The following NEGR1 variants were observed in gnomAD, a reference collection of about 807,000 sequenced individuals.
NEGR1 encodes the protein IgLON family member 4.
Under a neutral mutation model 40.9 loss-of-function variants are expected in NEGR1, and 10 were observed. That is an observed-to-expected ratio of 0.24 (90% CI 0.15 to 0.42). The LOEUF (loss-of-function observed/expected upper bound fraction) is 0.42. NEGR1 is among the 10% of genes least tolerant of loss of function. NEGR1 has a pLI of 1.00. For missense variants in NEGR1, 352 were observed against 438.9 expected (o/e 0.80, Z 1.77); for synonymous variants, 185 against 166.8 (o/e 1.11, Z -0.84).
intron 3 of NEGR1, among the ~76,000 whole-genome samples, chr1:71,770,286 C>T (rs1431620597): frequency 6.6e-6 from 1 of 152,168 alleles, no homozygotes; most frequent in Non-Finnish European, 1.5e-5. Flanking sequence ...TTCTGGTGCT[C>T]TTTGCATACA....
chr1:71,868,432 A>G (rs886612771), intron 2 of NEGR1, among the ~76,000 whole-genome samples: 3 of 124,788 alleles, frequency 2.4e-5, no homozygotes, highest in African/African-American at 9.9e-5. Context: ...TAGATAGATG[A>G]TAGAAGATAG....
chr1:72,018,747 C>G (rs1646732633), intron 1 of NEGR1, among the ~76,000 whole-genome samples: 1 of 152,268 alleles, frequency 6.6e-6, no homozygotes, highest in African/African-American at 2.4e-5. Context: ...GCCAGTATGG[C>G]TGCAGTGAGC....
chr1:72,210,356 G>T lies in NEGR1; in HGVS notation c.176+71963C>A, dbSNP rs181857902. ...ACATATTTTTAATATTCTAGGTGTT[G>T]AAATAAAACAAACACATAAAACACT... is the stretch of plus-strand genomic sequence containing the variant. On this transcript the variant is annotated intron_variant, in intron 1 of 6. Coordinates refer to ENST00000357731, the MANE Select transcript of NEGR1 (RefSeq NM_173808.3). 6.6e-4 allele frequency among the ~76,000 whole-genome samples: 100 copies of T among 151,914 alleles called. No individual in the cohort carries two copies. The Middle Eastern group carries it at 0.01, about 16-fold the overall frequency.
intron 1 of NEGR1, among the ~76,000 whole-genome samples, chr1:71,973,694 G>C (rs1396036975): frequency 6.6e-6 from 1 of 152,046 alleles, no homozygotes; most frequent in Non-Finnish European, 1.5e-5. Flanking sequence ...ATAAAAACCA[G>C]ATACTAAATT....
At chr1:71,638,410 T>C (rs571660727) in intron 4 of NEGR1, among the ~76,000 whole-genome samples, 1 of 152,026 alleles carries the variant, frequency 6.6e-6, no homozygotes, top group Admixed American at 6.6e-5. Context: ...TTCTTCCTTG[T>C]AGAGTTGTAA....
chr1:71,996,291 T>C (rs1451486486), intron 1 of NEGR1, among the ~76,000 whole-genome samples: 1 of 152,152 alleles, frequency 6.6e-6, no homozygotes, highest in Non-Finnish European at 1.5e-5. Context: ...TGCAGCCAAG[T>C]ATAGCTATAA....
Position 71,594,299 on chromosome 1 carries a change from C to T in NEGR1, c.789-1331G>A, listed in dbSNP as rs571303872. Among the ~76,000 whole-genome samples, 25 of 152,242 alleles carry T rather than the reference C, an allele frequency of 1.6e-4. No individual in the cohort carries two copies. The South Asian group carries it at 5.2e-3, about 32-fold the overall frequency. On this transcript the variant is annotated intron_variant, in intron 5 of 6. Transcript: ENST00000357731. Reference sequence around the variant, plus strand: ...CCAAATGGCATAGTAGTTTTTCTCTCTTTAATGTGTTCAAGTTTTTGTATT... The same window carrying T: ...CCAAATGGCATAGTAGTTTTTCTCTTTTTAATGTGTTCAAGTTTTTGTATT...
At chr1:71,979,665 G>A (rs547591276) in intron 1 of NEGR1, among the ~76,000 whole-genome samples, 4 of 152,150 alleles carry the variant, frequency 2.6e-5, no homozygotes, top group African/African-American at 9.6e-5. Context: ...TTTGATGATG[G>A]GAAACTAATG....
rs1570351446 is a variant in NEGR1 at position 71,791,439 on chromosome 1, CA to C, written c.410-15143del. Among the ~76,000 whole-genome samples, 3 of 152,106 alleles carry C rather than the reference CA, an allele frequency of 2.0e-5. No homozygotes were observed. The East Asian group carries it at 5.8e-4, about 29-fold the overall frequency. On this transcript the variant is annotated intron_variant, in intron 2 of 6. Transcript: ENST00000357731. ...AGTGATATCAATCTGAACGTGGCCA[CA>C]GTGGCAGTGTTTAGAGCATGGAAAT...
chr1:72,208,714 A>G (rs1230721657), intron 1 of NEGR1, among the ~76,000 whole-genome samples: 1 of 151,612 alleles, frequency 6.6e-6, no homozygotes, highest in Non-Finnish European at 1.5e-5. Context: ...TCAAATACAA[A>G]TATATTATTA....
chr1:72,056,159 C>A (rs1647108177), intron 1 of NEGR1, among the ~76,000 whole-genome samples: 1 of 150,978 alleles, frequency 6.6e-6, no homozygotes, highest in Admixed American at 6.6e-5. Context: ...ATAAGAAATT[C>A]AATAATACTT....
At position 72,063,425 on chromosome 1, in the gene NEGR1, G is replaced by A. The variant is rs1025457399; in HGVS notation, c.177-128114C>T. 2.0e-5 allele frequency among the ~76,000 whole-genome samples: 3 copies of A among 152,000 alleles called. No individual in the cohort carries two copies. In the Middle Eastern group the frequency reaches 0.01, roughly 517 times the overall value. ...TATGTACGGCGTAATGGAAATAAAA[G>A]TGAAGTCACACCTATTAGGTCGGTG... On this transcript the variant is annotated intron_variant, in intron 1 of 6. Coordinates refer to ENST00000357731, the MANE Select transcript of NEGR1 (RefSeq NM_173808.3).
chr1:71,583,606 C>T (rs537308121), intron 6 of NEGR1, among the ~76,000 whole-genome samples: 18 of 152,198 alleles, frequency 1.2e-4, no homozygotes, highest in Non-Finnish European at 1.6e-4. Context: ...TTATTATCTA[C>T]AGTTTGTATG....
chr1:71,950,216 A>G lies in NEGR1; in HGVS notation c.177-14905T>C, dbSNP rs1356017028. Reference sequence around the variant, plus strand: ...CCTACTGTGTGGCAGTAACTCCTTCATTTCTTAGCAAGATACATATTTGTC... The same window carrying G: ...CCTACTGTGTGGCAGTAACTCCTTCGTTTCTTAGCAAGATACATATTTGTC... On this transcript the variant is annotated intron_variant, in intron 1 of 6. Coordinates refer to ENST00000357731, the MANE Select transcript of NEGR1 (RefSeq NM_173808.3). Among the ~76,000 whole-genome samples, 3 of 152,026 alleles carry G rather than the reference A, an allele frequency of 2.0e-5. No individual in the cohort carries two copies. The South Asian group carries it at 6.2e-4, about 32-fold the overall frequency.
intron 4 of NEGR1, among the ~76,000 whole-genome samples, chr1:71,686,729 C>G (rs1204050856): frequency 6.6e-6 from 1 of 152,142 alleles, no homozygotes; most frequent in Non-Finnish European, 1.5e-5. Context: ...AAAATTCTAT[C>G]AGGACACTGA....
At chr1:72,194,950 C>G (rs185232474) in intron 1 of NEGR1, among the ~76,000 whole-genome samples, 3 of 152,154 alleles carry the variant, frequency 2.0e-5, no homozygotes, top group Admixed American at 1.3e-4. Context: ...CATATGCATA[C>G]AGCCCAAGCA....
At chr1:72,099,355 A>G (rs577625901) in intron 1 of NEGR1, among the ~76,000 whole-genome samples, 1 of 152,110 alleles carries the variant, frequency 6.6e-6, no homozygotes, top group South Asian at 2.1e-4. Flanking sequence ...TTTCTTAAAT[A>G]TAAGTGAGAT....
At chr1:72,117,315 T>C (rs1649619823) in intron 1 of NEGR1, among the ~76,000 whole-genome samples, 1 of 151,104 alleles carries the variant, frequency 6.6e-6, no homozygotes, top group South Asian at 2.1e-4. Context: ...GTTTGTTTGT[T>C]TGTCCTCAGT....
chr1:72,024,696 C>T (rs1027580810), intron 1 of NEGR1, among the ~76,000 whole-genome samples: 2 of 152,182 alleles, frequency 1.3e-5, no homozygotes, highest in African/African-American at 4.8e-5. Context: ...AATGTTTCCA[C>T]AGCCACGTAA....
Sources: gnomAD v4.1 joint callset for allele counts (sites outside exome capture counted in the v4.1 genomes callset) on GRCh38, gnomAD v4.1.1 for gene constraint, MANE v1.5 for transcripts, NCBI Gene and HGNC (gene_info 2026-07-23, HGNC 2026-07-21) for gene names.